The following AFF1 variants were observed in gnomAD, a reference collection of about 807,000 sequenced individuals.
AFF1 encodes the protein ALF transcription elongation factor 1.
A neutral mutation model predicts 121.7 loss-of-function variants in AFF1; 48 were observed. The observed-to-expected ratio is 0.39, with a 90% CI of 0.31 to 0.50. The LOEUF (loss-of-function observed/expected upper bound fraction) is 0.50. AFF1 is among the 20% of genes least tolerant of loss of function. The pLI, the probability that AFF1 is intolerant of heterozygous loss-of-function variation, is 0.76. For missense variants in AFF1, 1,523 were observed against 1,511.7 expected, an observed-to-expected ratio of 1.01 and a Z score of -0.12; for synonymous variants, 613 against 563.0, an observed-to-expected ratio of 1.09 and a Z score of -1.26.
chr4:87,006,477 G>A (rs1726129687), intron 2 of AFF1, among the ~76,000 whole-genome samples: 1 of 152,184 alleles, frequency 6.6e-6, no homozygotes, highest in Admixed American at 6.5e-5. Flanking sequence ...TATTTTTCCT[G>A]TAATCTACGT....
intron 4 of AFF1, among the ~76,000 whole-genome samples, chr4:87,055,240 T>C (rs1042579464): frequency 2.0e-5 from 3 of 152,340 alleles, no homozygotes; most frequent in Admixed American, 6.5e-5. Flanking sequence ...AAGGAAACTT[T>C]TTAAGTAATA....
intron 2 of AFF1, among the ~76,000 whole-genome samples, chr4:86,967,288 A>G (rs560961134): frequency 3.3e-5 from 5 of 152,182 alleles, no homozygotes; most frequent in Non-Finnish European, 7.3e-5. Context: ...TTCCAGATAA[A>G]GGAACCATAC....
chr4:87,124,800 T>C (rs1401193277), intron 12 of AFF1, among the ~76,000 whole-genome samples: 2 of 152,180 alleles, frequency 1.3e-5, no homozygotes, highest in African/African-American at 2.4e-5. Context: ...GGAATTGTTT[T>C]TCTTCGTGCA....
At chr4:87,063,523 G>C (rs1005034799) in intron 4 of AFF1, among the ~76,000 whole-genome samples, 1 of 152,060 alleles carries the variant, frequency 6.6e-6, no homozygotes, top group Non-Finnish European at 1.5e-5. Flanking sequence ...GCAGGCGTGA[G>C]CCACCGCGCC....
chr4:86,969,601 C>T (rs1011492589), intron 2 of AFF1, among the ~76,000 whole-genome samples: 24 of 147,720 alleles, frequency 1.6e-4, no homozygotes, highest in Admixed American at 9.4e-4. Context: ...GTAAGATAGG[C>T]CCGGCGTGGT....
intron 19 of AFF1, among the ~76,000 whole-genome samples, chr4:87,132,913 C>T (rs1167758710): frequency 1.3e-5 from 2 of 152,182 alleles, no homozygotes; most frequent in Non-Finnish European, 2.9e-5. Flanking sequence ...AGATTGGTAT[C>T]GAACTTGTCA....
chr4:87,090,023 C>T lies in AFF1; in HGVS notation c.1144C>T (p.His382Tyr), dbSNP rs753776947. The T allele has an allele frequency of 4.3e-6, 7 of 1,614,034 alleles. No individual in the cohort carries two copies. Among genetic ancestry groups the T allele is most frequent in the Middle Eastern group, 1.6e-4 (1 of 6,062 alleles). The stretch of plus-strand genomic sequence containing the variant: ...ATGGCCGCCTCCTTTGACAGCAATA[C>T]ATACGCCTAGTACAGCTGAGCCATC... ...HSWPPPLTAI[H>Y]TPSTAEPSKF... Residue 382 changes from histidine to tyrosine, a missense_variant, in exon 6 of 21, where the codon CAT (histidine) becomes TAT (tyrosine). Physicochemically the swap from His to Tyr is moderately conservative, Grantham distance 83. This residue lies in a region of AFF1 where 905 missense variants were observed against 842.5 expected (regional missense o/e 1.07). Transcript: ENST00000395146.
At chr4:87,026,522 G>A (rs1728552008) in intron 2 of AFF1, among the ~76,000 whole-genome samples, 1 of 152,180 alleles carries the variant, frequency 6.6e-6, no homozygotes, top group Admixed American at 6.5e-5. Context: ...CTGACAAACA[G>A]CAGTCTCTGT....
At chr4:87,074,380 A>C (rs1013501253) in intron 4 of AFF1, among the ~76,000 whole-genome samples, 1 of 152,098 alleles carries the variant, frequency 6.6e-6, no homozygotes, top group Middle Eastern at 3.4e-3. Context: ...AATGGGCTTC[A>C]TGGGGCCTCA....
In AFF1 at chr4:87,052,695, G is replaced by C. The variant is rs139602899; in HGVS notation, c.1059+5101G>C. Among the ~76,000 whole-genome samples, 539 of 152,078 alleles carry C rather than the reference G, an allele frequency of 3.5e-3. 6 individuals are homozygous for C. The highest frequency in any genetic ancestry group is 0.012 in the African/African-American group (515 of 41,450). ...GGAAATGGATGAGAGGGGCAAAGGT[G>C]GAAGCAGGGAGACCAGTTGGGAGAT... is the stretch of plus-strand genomic sequence containing the variant. On this transcript the variant is annotated intron_variant, in intron 4 of 20. Coordinates refer to ENST00000395146, the MANE Select transcript of AFF1 (RefSeq NM_001166693.3).
intron 2 of AFF1, among the ~76,000 whole-genome samples, chr4:86,958,357 C>T (rs13110344): frequency 0.13 from 20,152 of 152,036 alleles, 1,803 homozygotes; most frequent in Non-Finnish European, 0.19. Flanking sequence ...TCCCAAAGTG[C>T]TGGGATTACA....
intron 5 of AFF1, among the ~76,000 whole-genome samples, chr4:87,084,464 G>C (rs895421351): frequency 6.6e-6 from 1 of 151,778 alleles, no homozygotes; most frequent in Non-Finnish European, 1.5e-5. Context: ...TCCTGAACTC[G>C]ATTGAACCCG....
intron 4 of AFF1, among the ~76,000 whole-genome samples, chr4:87,060,372 T>C (rs906469849): frequency 1.3e-5 from 2 of 152,224 alleles, no homozygotes; most frequent in Non-Finnish European, 2.9e-5. Flanking sequence ...TGTGTATATA[T>C]ACTTCTTAAA....
At chr4:87,113,356 C>T (rs1173606767) in intron 11 of AFF1, among the ~76,000 whole-genome samples, 1 of 152,048 alleles carries the variant, frequency 6.6e-6, no homozygotes, top group African/African-American at 2.4e-5. Context: ...TCACCGCAGC[C>T]TCAAACTCCT....
chr4:87,036,512 G>A (rs200791502), intron 2 of AFF1, among the ~76,000 whole-genome samples: 120 of 152,212 alleles, frequency 7.9e-4, no homozygotes, highest in East Asian at 4.8e-3. Flanking sequence ...GAGGCTTGGT[G>A]TGCTGCACAT....
intron 2 of AFF1, among the ~76,000 whole-genome samples, chr4:87,005,382 T>C (rs1038925873): frequency 6.6e-6 from 1 of 152,232 alleles, no homozygotes; most frequent in African/African-American, 2.4e-5. Flanking sequence ...GGAAAGTCTT[T>C]AAGTATTGGC....
intron 4 of AFF1, among the ~76,000 whole-genome samples, chr4:87,052,903 A>G (rs549990283): frequency 6.6e-6 from 1 of 152,200 alleles, no homozygotes; most frequent in East Asian, 1.9e-4. Flanking sequence ...TAGACTTTTT[A>G]TTTGAAAGGC....
intron 5 of AFF1, among the ~76,000 whole-genome samples, chr4:87,086,249 A>G (rs1723723617): frequency 6.6e-6 from 1 of 152,112 alleles, no homozygotes; most frequent in Non-Finnish European, 1.5e-5. Context: ...TTGTTCTATC[A>G]TTATTTCAGA....
intron 4 of AFF1, among the ~76,000 whole-genome samples, chr4:87,056,026 A>G (rs1048733851): frequency 2.0e-5 from 3 of 152,078 alleles, no homozygotes; most frequent in Non-Finnish European, 4.4e-5. Context: ...CACACAAACT[A>G]TTAGTTTTCT....
Sources: allele counts gnomAD v4.1 joint callset (sites outside exome capture counted in the v4.1 genomes callset), GRCh38; gene constraint gnomAD v4.1.1; regional missense constraint gnomAD v4.1.1; transcripts MANE v1.5; gene names NCBI Gene and HGNC (gene_info 2026-07-23, HGNC 2026-07-21).